The following NPM1 variants were observed in gnomAD, a reference collection of about 807,000 sequenced individuals.
The protein encoded by NPM1 is nucleophosmin 1, also known as nucleophosmin.
NPM1 carries 1 observed loss-of-function variant against 44.1 expected under a neutral mutation model. The observed-to-expected ratio is 0.02, with a 90% CI of 0.01 to 0.11. NPM1 has a LOEUF of 0.11. NPM1 is among the 10% of genes least tolerant of loss of function. The pLI, the probability that NPM1 is intolerant of heterozygous loss-of-function variation, is 1.00. For missense variants in NPM1, 197 were observed against 347.8 expected (o/e 0.57, Z 3.45); for synonymous variants, 126 against 111.8 (o/e 1.13, Z -0.80).
chr5:171,392,179 G>T (rs748660487), intron 4 of NPM1, among the ~76,000 whole-genome samples: 1 of 152,186 alleles, frequency 6.6e-6, no homozygotes, highest in Non-Finnish European at 1.5e-5. Flanking sequence ...GCCTTAACGT[G>T]ATCTGCACGC....
In NPM1 at chr5:171,410,322, G is replaced by T. The variant is rs1771759739; in HGVS notation, c.847-205G>T. Among the ~76,000 whole-genome samples, 3 of 152,030 alleles carry T rather than the reference G, an allele frequency of 2.0e-5. No individual in the cohort carries two copies. The South Asian group carries it at 6.2e-4, about 32-fold the overall frequency. On this transcript the variant is annotated intron_variant, in intron 10 of 10. Coordinates refer to ENST00000296930, the MANE Select transcript of NPM1 (RefSeq NM_002520.7). ...ACTATTAAATAATTATTAGTATATT[G>T]TTCACATTTTTATGACTGATTAAAG... is the stretch of plus-strand genomic sequence containing the variant.
intron 9 of NPM1, chr5:171,406,412 C>T (rs1293727094): frequency 6.2e-7 from 1 of 1,612,954 alleles, no homozygotes; most frequent in Non-Finnish European, 8.5e-7. Context: ...TTGAACAGTC[C>T]TGGGCACTAC....
intron 8 of NPM1, among the ~76,000 whole-genome samples, chr5:171,402,992 T>TA (rs1330916396): frequency 1.4e-5 from 2 of 141,662 alleles, no homozygotes; most frequent in African/African-American, 2.6e-5. Context: ...TTTATTTATT[T>TA]TTTATTTTTA....
intron 2 of NPM1, 48 bp downstream of exon 2, chr5:171,390,178 C>T: frequency 9.2e-7 from 1 of 1,090,286 alleles, no homozygotes; most frequent in Non-Finnish European, 1.3e-6. Flanking sequence ...TGATTTCAGC[C>T]TTTTAGTTTC....
At chr5:171,399,621 A>G (rs1247277912) in intron 6 of NPM1, among the ~76,000 whole-genome samples, 1 of 151,934 alleles carries the variant, frequency 6.6e-6, no homozygotes, top group African/African-American at 2.4e-5. Flanking sequence ...TAACCTGTAT[A>G]TTCGGGGAGT....
At chr5:171,396,441 A>C (rs977149607) in intron 6 of NPM1, among the ~76,000 whole-genome samples, 4 of 152,258 alleles carry the variant, frequency 2.6e-5, no homozygotes, top group African/African-American at 9.6e-5. Flanking sequence ...AGAAACTTGT[A>C]CTGACAAAAT....
chr5:171,394,528 C>G (rs576210065), intron 6 of NPM1, among the ~76,000 whole-genome samples: 1 of 152,224 alleles, frequency 6.6e-6, no homozygotes, highest in South Asian at 2.1e-4. Flanking sequence ...ACTTGAATCT[C>G]TGGGCACAAG....
chr5:171,393,320 T>A (rs555315923), intron 6 of NPM1, among the ~76,000 whole-genome samples: 1 of 152,350 alleles, frequency 6.6e-6, no homozygotes, highest in African/African-American at 2.4e-5. Flanking sequence ...GAGCAGTTAA[T>A]GAGATTGGGT....
chr5:171,388,578 TG>T (rs1770398974), intron 1 of NPM1, among the ~76,000 whole-genome samples: 1 of 93,768 alleles, frequency 1.1e-5, no homozygotes, highest in Non-Finnish European at 2.0e-5. Flanking sequence ...TGGGAGCACG[TG>T]GTTGCCACGT....
In NPM1 at chr5:171,388,543, C is replaced by T. The variant is rs567056759; in HGVS notation, c.58+537C>T. Among the ~76,000 whole-genome samples the T allele has an allele frequency of 8.4e-5, 11 of 130,428 alleles. 1 individual carries two copies. The South Asian group carries it at 2.7e-3, about 32-fold the overall frequency. The allele number at this position is 130,428 out of a possible 152,430, so 85.6% of individuals were successfully genotyped here. On this transcript the variant is annotated intron_variant, in intron 1 of 10. Coordinates refer to ENST00000296930, the MANE Select transcript of NPM1 (RefSeq NM_002520.7). ...AGTTACTGGGGGTGGGGAGGCGCGG[C>T]GCGGCGTGAGGAGGCCGCAACCGCT... is the stretch of plus-strand genomic sequence containing the variant.
chr5:171,395,317 T>A (rs1163259851), intron 6 of NPM1, among the ~76,000 whole-genome samples: 1 of 152,106 alleles, frequency 6.6e-6, no homozygotes, highest in Non-Finnish European at 1.5e-5. Context: ...TTTTTTTTTT[T>A]TCGGCAAGTC....
chr5:171,391,883 G>T (rs1770591997), intron 4 of NPM1, 84 bp downstream of exon 4: 17 of 705,502 alleles, frequency 2.4e-5, no homozygotes, highest in East Asian at 6.0e-5. Context: ...TAAAGCATGG[G>T]TATAGTACTA....
At chr5:171,398,203 GT>G (rs1391186157) in intron 6 of NPM1, among the ~76,000 whole-genome samples, 1 of 152,206 alleles carries the variant, frequency 6.6e-6, no homozygotes, top group Non-Finnish European at 1.5e-5. Flanking sequence ...CTTTGAACAA[GT>G]TTTTAATTTT....
chr5:171,389,520 T>C (rs1770460392), intron 1 of NPM1, among the ~76,000 whole-genome samples: 1 of 152,202 alleles, frequency 6.6e-6, no homozygotes, highest in African/African-American at 2.4e-5. Context: ...AAACATAATT[T>C]CTGAATATAG....
Position 171,387,907 on chromosome 5 carries a change from T to A in NPM1, c.-42T>A. Reference sequence around the variant, plus strand: ...TTCTCTGGAGCAGCGTTCTTTTATCTCCGTCCGCCTTCTCTCCTACCTAAG... The same window carrying A: ...TTCTCTGGAGCAGCGTTCTTTTATCACCGTCCGCCTTCTCTCCTACCTAAG... On this transcript the variant is annotated 5_prime_UTR_variant, in exon 1 of 11. Transcript: ENST00000296930. 3.8e-6 allele frequency: 6 copies of A among 1,591,686 alleles called. No individual in the cohort carries two copies. Among genetic ancestry groups the A allele is most frequent in the Non-Finnish European group, 5.2e-6 (6 of 1,161,454 alleles).
At chr5:171,410,416 CTGG>C (rs1771765421) in intron 10 of NPM1, 108 bp from the exon 11 acceptor site, 11 of 602,204 alleles carry the variant, frequency 1.8e-5, no homozygotes, top group South Asian at 2.8e-5. Flanking sequence ...AGTTAACTCT[CTGG>C]TGGTAGAATG....
chr5:171,397,381 A>C (rs1306770349), intron 6 of NPM1, among the ~76,000 whole-genome samples: 2 of 152,164 alleles, frequency 1.3e-5, no homozygotes, highest in African/African-American at 4.8e-5. Context: ...AGAGTGGCTC[A>C]CCCATTGTAT....
chr5:171,387,833 G>C, upstream of NPM1: 1 of 958,988 alleles, frequency 1.0e-6, no homozygotes, highest in East Asian at 2.5e-5. Flanking sequence ...ATATATAAGC[G>C]CGGGGAGCCT....
At chr5:171,394,205 C>T (rs1770753996) in intron 6 of NPM1, among the ~76,000 whole-genome samples, 2 of 151,784 alleles carry the variant, frequency 1.3e-5, no homozygotes, top group South Asian at 4.2e-4. Context: ...CCATGCCCTG[C>T]TAATTTTTGT....
Sources: gnomAD v4.1 joint callset for allele counts (sites outside exome capture counted in the v4.1 genomes callset) on GRCh38, gnomAD v4.1.1 for gene constraint, MANE v1.5 for transcripts, NCBI Gene and HGNC (gene_info 2026-07-23, HGNC 2026-07-21) for gene names.